Variants in DYNC2I2 observed in about 807,000 individuals in gnomAD.
The protein encoded by DYNC2I2 is dynein 2 intermediate chain 2, also known as cytoplasmic dynein 2 intermediate chain 2.
A neutral mutation model predicts 52.0 loss-of-function variants in DYNC2I2; 39 were observed. The observed-to-expected ratio is 0.75, with a 90% CI of 0.58 to 0.98. The LOEUF (loss-of-function observed/expected upper bound fraction) is 0.98. Ranked by LOEUF, DYNC2I2 falls within the 50% of genes least tolerant of loss-of-function variation. The pLI is 0.00. For missense variants in DYNC2I2, 743 were observed against 728.4 expected (o/e 1.02, Z -0.23); for synonymous variants, 359 against 321.1 (o/e 1.12, Z -1.26).
At chr9:128,671,470 C>CTTTTTT in the DYNC2I2 span, among the ~76,000 whole-genome samples, 16 of 107,724 alleles carry the variant, frequency 1.5e-4, no homozygotes, top group Admixed American at 1.9e-4. Flanking sequence ...CTGGCTAATT[C>CTTTTTT]TTTTTTTTTT....
chr9:128,654,843 C>T (rs181578535), intron 1 of DYNC2I2, among the ~76,000 whole-genome samples: 1 of 152,168 alleles, frequency 6.6e-6, no homozygotes, highest in Admixed American at 6.6e-5. Context: ...GGCAAACCAC[C>T]CTCTCAATCC....
chr9:128,642,336 A>G (rs921741820), intron 1 of DYNC2I2, among the ~76,000 whole-genome samples: 2 of 149,530 alleles, frequency 1.3e-5, no homozygotes, highest in Non-Finnish European at 3.0e-5. Flanking sequence ...CGTGCCTGTA[A>G]TCCTAGCTAC....
chr9:128,634,470 GC>G, intron 7 of DYNC2I2, 87 bp from the exon 8 acceptor site: 1 of 1,492,528 alleles, frequency 6.7e-7, no homozygotes, highest in Non-Finnish European at 9.0e-7. Flanking sequence ...CTCCTGGGCT[GC>G]CAGGCTCGTG....
intron 2 of DYNC2I2, among the ~76,000 whole-genome samples, chr9:128,640,112 A>G (rs1157860835): frequency 2.0e-5 from 3 of 146,580 alleles, no homozygotes; most frequent in Middle Eastern, 3.5e-3. Context: ...GGCTCACGCC[A>G]TTCTCCTGCC....
At chr9:128,665,908 T>TAA in the DYNC2I2 span, among the ~76,000 whole-genome samples, 2 of 115,216 alleles carry the variant, frequency 1.7e-5, no homozygotes, top group Non-Finnish European at 3.7e-5. Flanking sequence ...CCGTCTCTAC[T>TAA]AAAAAAAAAA....
intron 2 of DYNC2I2, among the ~76,000 whole-genome samples, chr9:128,640,069 G>A (rs545529721): frequency 4.4e-5 from 6 of 137,384 alleles, no homozygotes; most frequent in East Asian, 2.3e-4. Flanking sequence ...GTGCAGTGGC[G>A]TGACCTCAGC....
chr9:128,664,365 A>G, the DYNC2I2 span, among the ~76,000 whole-genome samples: 1 of 152,182 alleles, frequency 6.6e-6, no homozygotes, highest in Non-Finnish European at 1.5e-5. Context: ...TATTTTGTTC[A>G]AAGCACTGAT....
At chr9:128,641,731 G>A (rs181518995) in intron 1 of DYNC2I2, among the ~76,000 whole-genome samples, 7 of 152,174 alleles carry the variant, frequency 4.6e-5, no homozygotes, top group Middle Eastern at 3.4e-3. Flanking sequence ...CATCTCATGC[G>A]GGATTCGAGC....
the DYNC2I2 span, among the ~76,000 whole-genome samples, chr9:128,668,487 C>T: frequency 9.9e-5 from 15 of 151,954 alleles, no homozygotes; most frequent in Middle Eastern, 3.4e-3. Flanking sequence ...TGTCATCACA[C>T]TCCAGCGCCA....
intron 5 of DYNC2I2, 53 bp downstream of exon 5, chr9:128,635,605 C>T: frequency 6.6e-7 from 1 of 1,506,900 alleles, no homozygotes; most frequent in Non-Finnish European, 9.0e-7. Context: ...AGTGGGCGCC[C>T]TCTCCCCAGC....
the DYNC2I2 span, among the ~76,000 whole-genome samples, chr9:128,664,456 T>C: frequency 6.6e-6 from 1 of 152,096 alleles, no homozygotes; most frequent in Non-Finnish European, 1.5e-5. Flanking sequence ...TGTAGGCAAT[T>C]GTTCTAAATA....
At chr9:128,667,563 C>T in the DYNC2I2 span, among the ~76,000 whole-genome samples, 1 of 148,802 alleles carries the variant, frequency 6.7e-6, no homozygotes, top group East Asian at 2.0e-4. Flanking sequence ...GATCCGCCCG[C>T]CTCGTCCTGT....
At position 128,656,649 on chromosome 9, in the gene DYNC2I2, A is replaced by G; in HGVS notation, c.78T>C (p.Val26=). 1 of 1,508,306 alleles carries G rather than the reference A, an allele frequency of 6.6e-7. No homozygotes were observed. The highest frequency in any genetic ancestry group is 8.8e-7 in the Non-Finnish European group (1 of 1,136,838). 93.4% of individuals were successfully genotyped at this position (1,508,306 alleles called of 1,614,324 possible). A position where few individuals can be genotyped will look rare whatever the true frequency, so the allele number is the denominator to read the frequency against. ...GCCGCCCCGGCCCCGGGCCGCTCGC[A>G]ACCCCGACTGTCGCCAGCGCCGCAA... ...AGVAALATVG[V]ASGPGPGRPG... is the part of the protein sequence containing the mutation. Residue 26 remains valine, a synonymous_variant, in exon 1 of 9, where the codon GTT becomes GTC. Transcript: ENST00000372715.
chr9:128,647,976 G>T (rs532439201), intron 1 of DYNC2I2, among the ~76,000 whole-genome samples: 1 of 152,190 alleles, frequency 6.6e-6, no homozygotes, highest in East Asian at 1.9e-4. Context: ...CTGCCTCTCA[G>T]AGGAAGGAAA....
chr9:128,660,454 AGTGG>A (rs1860905407), upstream of DYNC2I2, among the ~76,000 whole-genome samples: 1 of 142,994 alleles, frequency 7.0e-6, no homozygotes, highest in African/African-American at 2.6e-5. Context: ...TGTTGCCCAG[AGTGG>A]ACTGCAGTGG....
intron 1 of DYNC2I2, among the ~76,000 whole-genome samples, chr9:128,644,519 T>C (rs1860576932): frequency 6.6e-6 from 1 of 152,108 alleles, no homozygotes; most frequent in Non-Finnish European, 1.5e-5. Context: ...GCTCAAGTGA[T>C]CCTCCCTCCT....
chr9:128,635,244 C>T lies in DYNC2I2; in HGVS notation c.829G>A (p.Glu277Lys), dbSNP rs373096963. 24 of 1,612,110 alleles carry T rather than the reference C, an allele frequency of 1.5e-5. No homozygotes were observed. In the Middle Eastern group the frequency reaches 4.9e-4, roughly 33 times the overall value. ...TGGAAGCGGTGGCTGTGCCCAGGCT[C>T]GGGCAGCCACACCACCTGAGTTAAC... Reference protein sequence around the residue: ...DPVSQVVWLPEPGHSHRFQVL... With the variant: ...DPVSQVVWLPKPGHSHRFQVL... The change falls in exon 6 of 9, where the codon GAG (glutamate) becomes AAG (lysine). Residue 277 changes from glutamate (E) to lysine (K), a missense_variant. Physicochemically the swap from Glu to Lys is moderately conservative, Grantham distance 56 (BLOSUM62 1). Transcript: ENST00000372715.
At chr9:128,639,275 G>A (rs1589431047) in intron 2 of DYNC2I2, among the ~76,000 whole-genome samples, 2 of 151,786 alleles carry the variant, frequency 1.3e-5, no homozygotes, top group African/African-American at 2.4e-5. Context: ...GCGGGTGCCT[G>A]TAATCCCAGC....
the DYNC2I2 span, chr9:128,683,903 C>G: frequency 6.4e-7 from 1 of 1,552,082 alleles, no homozygotes; most frequent in East Asian, 2.4e-5. Flanking sequence ...AGCATGGCCC[C>G]TAAACGCCAG....
Sources: allele counts gnomAD v4.1 joint callset (sites outside exome capture counted in the v4.1 genomes callset), GRCh38; gene constraint gnomAD v4.1.1; transcripts MANE v1.5; gene names NCBI Gene and HGNC (gene_info 2026-07-23, HGNC 2026-07-21).